The following PDIA5 variants were observed in gnomAD, a reference collection of about 807,000 sequenced individuals.
PDIA5 encodes the protein protein disulfide-isomerase A5.
Under a neutral mutation model 77.6 loss-of-function variants are expected in PDIA5, and 58 were observed. The ratio of observed to expected loss-of-function variants is 0.75; its 90% CI spans 0.61 to 0.93. The LOEUF is 0.93. PDIA5 is among the 40% of genes least tolerant of loss of function. PDIA5 has a pLI of 0.00. For missense variants in PDIA5, 630 were observed against 647.7 expected (o/e 0.97, Z 0.30); for synonymous variants, 250 against 252.1 (o/e 0.99, Z 0.08).
At chr3:123,157,362 C>T (rs1936044487) in intron 15 of PDIA5, among the ~76,000 whole-genome samples, 2 of 152,196 alleles carry the variant, frequency 1.3e-5, no homozygotes, top group African/African-American at 4.8e-5. Flanking sequence ...GGGGATGGTG[C>T]TGGAAATTTG....
rs573495658 is a variant in PDIA5 at position 123,148,583 on chromosome 3, G to A, written c.1143-1651G>A. On this transcript the variant is annotated intron_variant, in intron 13 of 16. Transcript: ENST00000316218. ...GACCCTGTCTTAAAAAAAAAAAAAA[G>A]GTTGAAGCTATTTTTATGACTGATT... is the stretch of plus-strand genomic sequence containing the variant. Among the ~76,000 whole-genome samples the A allele has an allele frequency of 1.7e-3, 250 of 147,028 alleles. 1 individual carries two copies. Among genetic ancestry groups the A allele is most frequent in the African/African-American group, 5.0e-3 (203 of 40,478 alleles).
intron 7 of PDIA5, among the ~76,000 whole-genome samples, chr3:123,112,028 G>A (rs1410615262): frequency 2.6e-4 from 40 of 152,270 alleles, no homozygotes; most frequent in Admixed American, 2.5e-3. Flanking sequence ...GGGCGCTTGC[G>A]AGCTATACCA....
At chr3:123,133,789 G>A (rs1012876546) in intron 11 of PDIA5, among the ~76,000 whole-genome samples, 2 of 152,162 alleles carry the variant, frequency 1.3e-5, no homozygotes, top group African/African-American at 2.4e-5. Flanking sequence ...CCAACAAACC[G>A]AAATAGTGGG....
intron 2 of PDIA5, among the ~76,000 whole-genome samples, chr3:123,090,809 G>A (rs1284998969): frequency 1.3e-5 from 2 of 152,164 alleles, no homozygotes; most frequent in Non-Finnish European, 2.9e-5. Flanking sequence ...TTGAGCCATT[G>A]AGAGTAGAGC....
rs143416848 is a variant in PDIA5, at chr3:123,106,470, A to C, written c.388-279A>C. Among the ~76,000 whole-genome samples the C allele has an allele frequency of 8.5e-5, 13 of 152,334 alleles. No homozygotes were observed. In the East Asian group the frequency reaches 2.5e-3, roughly 29 times the overall value. ...AATTTTCTCTTTTTTGTCCTTGAAGATGCATAGTAGGCATGGACTACCTGG... is the reference window on the plus strand; with the variant it reads ...AATTTTCTCTTTTTTGTCCTTGAAGCTGCATAGTAGGCATGGACTACCTGG... On this transcript the variant is annotated intron_variant, in intron 5 of 16. Transcript: ENST00000316218.
intron 1 of PDIA5, among the ~76,000 whole-genome samples, chr3:123,083,955 C>T (rs903822481): frequency 6.6e-6 from 1 of 152,076 alleles, no homozygotes; most frequent in Non-Finnish European, 1.5e-5. Context: ...CACTTGTCTG[C>T]ATCTGTGGTT....
intron 1 of PDIA5, among the ~76,000 whole-genome samples, chr3:123,070,088 T>TAA (rs1933684983): frequency 8.0e-6 from 1 of 124,490 alleles, no homozygotes; most frequent in African/African-American, 3.7e-5. Context: ...AGACTCCATC[T>TAA]CAAAAAAAAA....
chr3:123,093,854 A>G (rs1934361736), intron 3 of PDIA5, among the ~76,000 whole-genome samples: 1 of 152,198 alleles, frequency 6.6e-6, no homozygotes, highest in Non-Finnish European at 1.5e-5. Flanking sequence ...CTCGGAGCAC[A>G]ATACCACGCG....
Position 123,106,855 on chromosome 3 carries a change from C to T in PDIA5, c.480+14C>T, listed in dbSNP as rs377418375. The T allele has an allele frequency of 2.9e-5, 46 of 1,568,104 alleles. No individual in the cohort carries two copies. The highest frequency in any genetic ancestry group is 2.6e-4 in the African/African-American group (19 of 73,998). ...GACAGTGAAAAGGTAATGTATTCCC[C>T]GTCAGTTCTGATGGATGCTGGAAGC... On this transcript the variant is annotated intron_variant, in intron 6 of 16. Transcript: ENST00000316218.
At chr3:123,114,496 C>T (rs1175077903) in intron 7 of PDIA5, among the ~76,000 whole-genome samples, 1 of 152,230 alleles carries the variant, frequency 6.6e-6, no homozygotes, top group Non-Finnish European at 1.5e-5. Flanking sequence ...AGAGCCCAGG[C>T]CACTTGCCCA....
chr3:123,161,783 G>T, intron 16 of PDIA5, 97 bp from the exon 17 acceptor site: 1 of 825,412 alleles, frequency 1.2e-6, no homozygotes, highest in South Asian at 1.5e-5. Flanking sequence ...TCATAGGAGT[G>T]ACCCCCTGGA....
chr3:123,123,566 G>T (rs1384742699), intron 8 of PDIA5, among the ~76,000 whole-genome samples: 1 of 152,212 alleles, frequency 6.6e-6, no homozygotes, highest in Admixed American at 6.5e-5. Flanking sequence ...TCACACTCAA[G>T]CCTAGGTGAG....
At chr3:123,077,501 C>T (rs181631594) in intron 1 of PDIA5, among the ~76,000 whole-genome samples, 1 of 151,770 alleles carries the variant, frequency 6.6e-6, no homozygotes, top group Non-Finnish European at 1.5e-5. Context: ...TGCCACTAGC[C>T]GAGGGTCTCA....
intron 2 of PDIA5, among the ~76,000 whole-genome samples, chr3:123,089,556 A>G (rs1304075990): frequency 6.6e-6 from 1 of 152,176 alleles, no homozygotes; most frequent in African/African-American, 2.4e-5. Flanking sequence ...ACTCCTCAAG[A>G]GGGAGAGGGC....
intron 10 of PDIA5, among the ~76,000 whole-genome samples, chr3:123,127,330 G>A (rs977006296): frequency 1.3e-5 from 2 of 152,162 alleles, no homozygotes; most frequent in Non-Finnish European, 2.9e-5. Context: ...TTCAATGTTT[G>A]CATTTCCTCA....
At chr3:123,082,534 G>T (rs1308688350) in intron 1 of PDIA5, among the ~76,000 whole-genome samples, 4 of 152,002 alleles carry the variant, frequency 2.6e-5, no homozygotes. Context: ...TGTGCAGCTG[G>T]TGATGATTTG....
In PDIA5 at chr3:123,155,483, T is replaced by G. The variant is rs538292732; in HGVS notation, c.1344+442T>G. On this transcript the variant is annotated intron_variant, in intron 15 of 16. Transcript: ENST00000316218. ...AAAGGCTCCTGCAGCTGCCGACTGATGAAGCATAAAATTAACAAGCTAGAG... is the reference window on the plus strand; with the variant it reads ...AAAGGCTCCTGCAGCTGCCGACTGAGGAAGCATAAAATTAACAAGCTAGAG... Among the ~76,000 whole-genome samples the G allele has an allele frequency of 6.0e-4, 92 of 152,318 alleles. 1 individual carries two copies. Among genetic ancestry groups the G allele is most frequent in the South Asian group, 4.6e-3 (22 of 4,824 alleles).
intron 13 of PDIA5, among the ~76,000 whole-genome samples, chr3:123,146,801 A>C (rs1159993066): frequency 2.7e-5 from 4 of 149,428 alleles, no homozygotes; most frequent in Non-Finnish European, 6.0e-5. Context: ...ACAGAAGTTT[A>C]TTTTCTTACA....
intron 1 of PDIA5, among the ~76,000 whole-genome samples, chr3:123,080,224 AC>A (rs1182758407): frequency 6.6e-6 from 1 of 152,022 alleles, no homozygotes; most frequent in African/African-American, 2.4e-5. Context: ...AGGACATGGG[AC>A]TTCTACATAT....
Sources: allele counts gnomAD v4.1 joint callset (sites outside exome capture counted in the v4.1 genomes callset), GRCh38; gene constraint gnomAD v4.1.1; transcripts MANE v1.5; gene names NCBI Gene and HGNC (gene_info 2026-07-23, HGNC 2026-07-21).